The following BCL7A variants were observed in gnomAD, a reference collection of about 807,000 sequenced individuals.
BCL7A encodes BAF chromatin remodeling complex subunit BCL7A.
BCL7A carries 11 observed loss-of-function variants against 28.4 expected under a neutral mutation model. The ratio of observed to expected loss-of-function variants is 0.39; its 90% CI spans 0.24 to 0.64. The LOEUF (loss-of-function observed/expected upper bound fraction) is 0.64, where lower values mean the gene tolerates loss of function less well. Ranked by LOEUF, BCL7A falls within the 30% of genes least tolerant of loss-of-function variation. The pLI is 0.50. For synonymous variants in BCL7A, 123 were observed against 103.3 expected, an observed-to-expected ratio of 1.19 and a Z score of -1.15; for missense variants, 222 against 274.8, an observed-to-expected ratio of 0.81 and a Z score of 1.36.
At position 122,044,098 on chromosome 12, in the gene BCL7A, C is replaced by T. The variant is rs145838970; in HGVS notation, c.439+45C>T. On this transcript the variant is annotated intron_variant, in intron 4 of 5. Transcript: ENST00000261822. ...GGGGCTCTGACGGCCTCCCTGTAAC[C>T]GGCCTTCAGGCAGTCTGTGGCTAGG... 4,080 of 1,581,630 alleles carry T rather than the reference C, an allele frequency of 2.6e-3. 51 individuals are homozygous for T. The highest frequency in any genetic ancestry group is 0.016 in the South Asian group (1,396 of 86,584).
At chr12:122,053,309 T>G (rs1347904038) in intron 4 of BCL7A, among the ~76,000 whole-genome samples, 1 of 152,200 alleles carries the variant, frequency 6.6e-6, no homozygotes, top group Non-Finnish European at 1.5e-5. Flanking sequence ...GCTCCTAGTC[T>G]GAGAAGTAAG....
At chr12:122,023,263 T>C (rs1883517587) in intron 1 of BCL7A, among the ~76,000 whole-genome samples, 1 of 152,168 alleles carries the variant, frequency 6.6e-6, no homozygotes, top group Non-Finnish European at 1.5e-5. Flanking sequence ...TCCCACGCCT[T>C]CACTGGGGTC....
At position 122,022,201 on chromosome 12, in the gene BCL7A, C is replaced by CCGCCAGCCGCCT; in HGVS notation, c.92+20_92+31dup. 1 of 1,435,812 alleles carries CCGCCAGCCGCCT rather than the reference C, an allele frequency of 7.0e-7. No individual in the cohort carries two copies. The allele number at this position is 1,435,812 out of a possible 1,614,324, so 88.9% of individuals were successfully genotyped here. ...CGCAAATGGTAAGCGGAGGCGCCCG[C>CCGCCAGCCGCCT]CGCCAGCCGCCTCCCCGGCCGCCCC... On this transcript the variant is annotated intron_variant, in intron 1 of 5. Coordinates refer to ENST00000261822, the MANE Select transcript of BCL7A (RefSeq NM_001024808.3).
At chr12:122,039,783 C>G (rs1883931645) in intron 3 of BCL7A, among the ~76,000 whole-genome samples, 3 of 150,120 alleles carry the variant, frequency 2.0e-5, no homozygotes, top group African/African-American at 7.4e-5. Flanking sequence ...AACCTGGAGG[C>G]AAAGGTTGCA....
intron 3 of BCL7A, among the ~76,000 whole-genome samples, chr12:122,041,999 C>T (rs988873294): frequency 6.6e-6 from 1 of 152,160 alleles, no homozygotes; most frequent in Non-Finnish European, 1.5e-5. Context: ...ATCGCTTGAA[C>T]CAGGAGGTGG....
intron 1 of BCL7A, among the ~76,000 whole-genome samples, chr12:122,028,425 T>C (rs907775270): frequency 2.0e-5 from 3 of 152,132 alleles, no homozygotes; most frequent in Non-Finnish European, 4.4e-5. Flanking sequence ...TTTTTTTTTT[T>C]TCCCAAACAC....
intron 1 of BCL7A, among the ~76,000 whole-genome samples, chr12:122,024,792 C>G (rs192456924): frequency 6.6e-6 from 1 of 152,232 alleles, no homozygotes; most frequent in East Asian, 1.9e-4. Flanking sequence ...TATACTAAAA[C>G]ATTATCTAAT....
intron 1 of BCL7A, among the ~76,000 whole-genome samples, chr12:122,022,585 C>A (rs1883490161): frequency 6.9e-6 from 1 of 145,154 alleles, no homozygotes; most frequent in East Asian, 2.1e-4. Context: ...GGCCGCGATG[C>A]CGGCGGCGGC....
At chr12:122,041,435 G>A (rs1403270520) in intron 3 of BCL7A, among the ~76,000 whole-genome samples, 1 of 152,128 alleles carries the variant, frequency 6.6e-6, no homozygotes, top group African/African-American at 2.4e-5. Context: ...GGCTGCTTTG[G>A]TTTTGAAACC....
At chr12:122,023,212 T>G (rs2135834222) in intron 1 of BCL7A, among the ~76,000 whole-genome samples, 1 of 152,324 alleles carries the variant, frequency 6.6e-6, no homozygotes, top group African/African-American at 2.4e-5. Context: ...TCAGAGTTGT[T>G]GAAAACTCCC....
At chr12:122,031,553 A>G (rs532241010) in intron 2 of BCL7A, among the ~76,000 whole-genome samples, 2 of 152,262 alleles carry the variant, frequency 1.3e-5, no homozygotes, top group African/African-American at 2.4e-5. Flanking sequence ...TCCTCTGTAC[A>G]AGTGAGGGCA....
chr12:122,040,441 G>A (rs999553899), intron 3 of BCL7A, among the ~76,000 whole-genome samples: 14 of 149,382 alleles, frequency 9.4e-5, no homozygotes, highest in Admixed American at 8.9e-4. Context: ...GCTGAGGCAG[G>A]AAAATCCCTT....
intron 1 of BCL7A, among the ~76,000 whole-genome samples, chr12:122,024,461 T>TG (rs1883568018): frequency 3.1e-5 from 2 of 64,828 alleles, no homozygotes; most frequent in African/African-American, 8.8e-5. Context: ...TGAGGTTTTT[T>TG]GTTTTTTTTT....
At chr12:122,037,995 C>T (rs1230315670) in intron 3 of BCL7A, among the ~76,000 whole-genome samples, 1 of 151,952 alleles carries the variant, frequency 6.6e-6, no homozygotes, top group African/African-American at 2.4e-5. Flanking sequence ...GTGGCGGGCA[C>T]CTGTAATCCC....
Position 122,036,483 on chromosome 12 carries a change from G to A in BCL7A, c.271+1056G>A, listed in dbSNP as rs74855599. Among the ~76,000 whole-genome samples, 1,250 of 152,298 alleles carry A rather than the reference G, an allele frequency of 8.2e-3. 17 individuals are homozygous for A. The highest frequency in any genetic ancestry group is 0.028 in the African/African-American group (1,181 of 41,562). On this transcript the variant is annotated intron_variant, in intron 3 of 5. Coordinates refer to ENST00000261822, the MANE Select transcript of BCL7A (RefSeq NM_001024808.3). Reference sequence around the variant, plus strand: ...AATCCAGATGGTGCTGTCTGCCATTGTTTCCTGTTGGCGGTGTCTGTTTCT... The same window carrying A: ...AATCCAGATGGTGCTGTCTGCCATTATTTCCTGTTGGCGGTGTCTGTTTCT...
In BCL7A at chr12:122,061,197, A is replaced by G; in HGVS notation, c.*2034A>G. 4.4e-6 allele frequency: 1 copy of G among 228,736 alleles called. No homozygotes were observed. The highest frequency in any genetic ancestry group is 6.3e-5 in the East Asian group (1 of 15,992). The allele number at this position is 228,736 out of a possible 1,614,324, so 14.2% of individuals were successfully genotyped here. The stretch of plus-strand genomic sequence containing the variant: ...TTTCCTTCTCTGTTTTTGGGAAACG[A>G]GAGGCTACAACCAAGACAGCTGAAG... On this transcript the variant is annotated 3_prime_UTR_variant, in exon 6 of 6. Coordinates refer to ENST00000261822, the MANE Select transcript of BCL7A (RefSeq NM_001024808.3).
intron 3 of BCL7A, among the ~76,000 whole-genome samples, chr12:122,040,758 G>T (rs894169767): frequency 6.6e-6 from 1 of 152,150 alleles, no homozygotes; most frequent in Non-Finnish European, 1.5e-5. Flanking sequence ...AAGGCTTCAA[G>T]TGGGAGGATG....
intron 2 of BCL7A, among the ~76,000 whole-genome samples, chr12:122,034,627 T>C (rs1160410817): frequency 2.6e-5 from 4 of 151,484 alleles, no homozygotes. Flanking sequence ...CTCCAGCTAT[T>C]TGGGAGGCTG....
intron 4 of BCL7A, 60 bp from the exon 5 acceptor site, chr12:122,054,745 C>G: frequency 6.5e-7 from 1 of 1,546,992 alleles, no homozygotes; most frequent in Middle Eastern, 1.7e-4. Context: ...GTATTTGGCC[C>G]CACCGGCCCC....
Sources: allele counts gnomAD v4.1 joint callset (sites outside exome capture counted in the v4.1 genomes callset), GRCh38; gene constraint gnomAD v4.1.1; transcripts MANE v1.5; gene names NCBI Gene and HGNC (gene_info 2026-07-23, HGNC 2026-07-21).